NETO2: variants seen among roughly 807,000 people sequenced by gnomAD.
The protein encoded by NETO2 is neuropilin and tolloid-like protein 2.
A neutral mutation model predicts 62.5 loss-of-function variants in NETO2; 28 were observed. That is an observed-to-expected ratio of 0.45 (90% confidence interval 0.33 to 0.61). The LOEUF is 0.61. Ranked by LOEUF, NETO2 falls within the 20% of genes least tolerant of loss-of-function variation. The probability of loss-of-function intolerance (pLI) is 0.02; values close to 1 mark genes in which losing one functional copy is unlikely to be tolerated. For missense variants in NETO2, 548 were observed against 643.2 expected, an observed-to-expected ratio of 0.85 and a Z score of 1.60; for synonymous variants, 214 against 219.1, an observed-to-expected ratio of 0.98 and a Z score of 0.21.
At chr16:47,117,619 AT>A (rs1292049850) in intron 6 of NETO2, among the ~76,000 whole-genome samples, 1 of 151,612 alleles carries the variant, frequency 6.6e-6, no homozygotes, top group Non-Finnish European at 1.5e-5. Context: ...TATTTTCTCC[AT>A]TTTCCTATTG....
chr16:47,109,437 G>C (rs1317605691), intron 7 of NETO2, 46 bp downstream of exon 7: 1 of 1,447,240 alleles, frequency 6.9e-7, no homozygotes, highest in Non-Finnish European at 9.7e-7. Flanking sequence ...GTGAATGAGT[G>C]AAAAATATGT....
chr16:47,136,636 C>A (rs529960762), intron 1 of NETO2, among the ~76,000 whole-genome samples: 6 of 152,146 alleles, frequency 3.9e-5, no homozygotes, highest in African/African-American at 9.6e-5. Context: ...AAACTCCTGG[C>A]CTCAAATGAT....
intron 6 of NETO2, among the ~76,000 whole-genome samples, chr16:47,118,389 T>C (rs1963966034): frequency 6.6e-6 from 1 of 152,216 alleles, no homozygotes; most frequent in Non-Finnish European, 1.5e-5. Flanking sequence ...TTCCCTGCTC[T>C]AGTTCTCTCC....
At chr16:47,102,713 A>G (rs1236029465) in intron 7 of NETO2, among the ~76,000 whole-genome samples, 1 of 152,230 alleles carries the variant, frequency 6.6e-6, no homozygotes, top group Non-Finnish European at 1.5e-5. Flanking sequence ...CACGGTCATT[A>G]GAGAAATGCA....
rs1033481679 is a variant in NETO2, at chr16:47,079,189, G to A, written c.*4032C>T. 1 of 152,092 alleles carries A rather than the reference G, an allele frequency of 6.6e-6. No individual in the cohort carries two copies. Among genetic ancestry groups the A allele is most frequent in the East Asian group, 1.9e-4 (1 of 5,154 alleles). 9.4% of individuals were successfully genotyped at this position (152,092 alleles called of 1,614,324 possible). A position where few individuals can be genotyped will look rare whatever the true frequency, so the allele number is the denominator to read the frequency against. On this transcript the variant is annotated 3_prime_UTR_variant, in exon 9 of 9. Coordinates refer to ENST00000562435, the MANE Select transcript of NETO2 (RefSeq NM_018092.5). ...CCAGCTACTCGAGAGGCTGAGACAG[G>A]AGAATGGCATGAACCCGGGAGGCGG...
At chr16:47,128,984 T>C (rs1964211526) in intron 3 of NETO2, among the ~76,000 whole-genome samples, 1 of 152,170 alleles carries the variant, frequency 6.6e-6, no homozygotes, top group Non-Finnish European at 1.5e-5. Flanking sequence ...GAGAAAGAAG[T>C]TTTTCATACA....
chr16:47,114,859 T>C (rs543712220), intron 6 of NETO2, among the ~76,000 whole-genome samples: 1 of 152,266 alleles, frequency 6.6e-6, no homozygotes, highest in African/African-American at 2.4e-5. Flanking sequence ...TAATTTTACA[T>C]CTATGTCCAT....
At position 47,083,759 on chromosome 16, in the gene NETO2, T is replaced by G; in HGVS notation, c.1040A>C (p.His347Pro). 1 of 1,607,408 alleles carries G rather than the reference T, an allele frequency of 6.2e-7. No homozygotes were observed. Among genetic ancestry groups the G allele is most frequent in the Non-Finnish European group, 8.5e-7 (1 of 1,174,836 alleles). ...AGVFEQITKTHGTIIGITSGI... is the reference protein window; with the variant it reads ...AGVFEQITKTPGTIIGITSGI... ...TGAAGTAATGCCAATAATTGTTCCA[T>G]GAGTCTTAGTGATTTGTTCAAATAC... is the stretch of plus-strand genomic sequence containing the variant. The change falls in exon 9 of 9, where the codon CAT becomes CCT. Residue 347 changes from histidine to proline, a missense_variant. Physicochemically the swap from His to Pro is moderately conservative, Grantham distance 77 (BLOSUM62 -2). Coordinates refer to ENST00000562435, the MANE Select transcript of NETO2 (RefSeq NM_018092.5).
chr16:47,086,404 C>G, intron 7 of NETO2, 65 bp from the exon 8 acceptor site: 1 of 1,032,050 alleles, frequency 9.7e-7, no homozygotes, highest in Non-Finnish European at 1.5e-6. Flanking sequence ...TCATACATAA[C>G]AAATCTGACT....
At chr16:47,091,956 T>C (rs547817742) in intron 7 of NETO2, among the ~76,000 whole-genome samples, 2 of 151,848 alleles carry the variant, frequency 1.3e-5, no homozygotes, top group East Asian at 3.9e-4. Flanking sequence ...GATCCTCCTG[T>C]CTCAGCCTCC....
At position 47,109,694 on chromosome 16, in the gene NETO2, T is replaced by G. The variant is rs1193105668; in HGVS notation, c.672A>C (p.Leu224=). ...TPKAKIYLRF[L]DYQMEHSNEC... Reference sequence around the variant, plus strand: ...CATTTGAGTGCTCCATTTGATAATCTAGGAACCTCAAATAAATCTGTAATA... The same window carrying G: ...CATTTGAGTGCTCCATTTGATAATCGAGGAACCTCAAATAAATCTGTAATA... Residue 224 remains leucine (L), a synonymous_variant, in exon 7 of 9, where the codon CTA becomes CTC. Coordinates refer to ENST00000562435, the MANE Select transcript of NETO2 (RefSeq NM_018092.5). 1 of 1,611,018 alleles carries G rather than the reference T, an allele frequency of 6.2e-7. No individual in the cohort carries two copies. The highest frequency in any genetic ancestry group is 8.5e-7 in the Non-Finnish European group (1 of 1,177,324).
rs752918396 is a variant in NETO2 at position 47,128,364 on chromosome 16, C to G, written c.442G>C (p.Glu148Gln). The stretch of plus-strand genomic sequence containing the variant: ...TATTTTGCTCGAAATCCCAGTCCTT[C>G]AAGCTCTTCATCAGAACTAAACTTA... ...WIKFSSDEEL[E>Q]GLGFRAKYSF... Residue 148 changes from glutamate to glutamine, a missense_variant, in exon 4 of 9, where the codon GAA becomes CAA. Glu to Gln is a conservative substitution (Grantham distance 29). Coordinates refer to ENST00000562435, the MANE Select transcript of NETO2 (RefSeq NM_018092.5). 1 of 1,614,034 alleles carries G rather than the reference C, an allele frequency of 6.2e-7. No homozygotes were observed. Among genetic ancestry groups the G allele is most frequent in the Non-Finnish European group, 8.5e-7 (1 of 1,179,958 alleles).
chr16:47,104,370 T>C (rs562646215), intron 7 of NETO2, among the ~76,000 whole-genome samples: 10 of 152,336 alleles, frequency 6.6e-5, no homozygotes, highest in African/African-American at 2.4e-4. Context: ...CATTGCTGAA[T>C]GAATTACAGA....
chr16:47,126,161 T>G (rs1315104297), intron 4 of NETO2, among the ~76,000 whole-genome samples: 2 of 152,226 alleles, frequency 1.3e-5, no homozygotes, highest in African/African-American at 4.8e-5. Context: ...TAGAATTTAC[T>G]CAAATGAATT....
At chr16:47,129,131 T>C in intron 3 of NETO2, 93 bp downstream of exon 3, 2 of 1,156,550 alleles carry the variant, frequency 1.7e-6, no homozygotes, top group South Asian at 2.7e-5. Flanking sequence ...TGTTTAAATT[T>C]CATTCAAACT....
intron 7 of NETO2, among the ~76,000 whole-genome samples, chr16:47,108,069 C>A (rs1338674842): frequency 1.3e-5 from 2 of 152,046 alleles, no homozygotes; most frequent in Non-Finnish European, 2.9e-5. Context: ...AGCCACGATG[C>A]CCGGTCACAA....
At chr16:47,119,209 T>C (rs952547548) in intron 6 of NETO2, among the ~76,000 whole-genome samples, 2 of 151,536 alleles carry the variant, frequency 1.3e-5, no homozygotes, top group Non-Finnish European at 2.9e-5. Context: ...TGGAGTGCAG[T>C]GGCGTGATCT....
Position 47,079,377 on chromosome 16 carries a change from C to G in NETO2, c.*3844G>C, listed in dbSNP as rs944457677. The G allele has an allele frequency of 2.0e-5, 3 of 151,298 alleles. No homozygotes were observed. The highest frequency in any genetic ancestry group is 7.3e-5 in the African/African-American group (3 of 41,086). The allele number at this position is 151,298 out of a possible 1,614,324, so 9.4% of individuals were successfully genotyped here. The stretch of plus-strand genomic sequence containing the variant: ...TTGGGAGGCCGAGGCGGGTGGATCA[C>G]GAGGTCAGGAGATTGAGACTATCCT... On this transcript the variant is annotated 3_prime_UTR_variant, in exon 9 of 9. Coordinates refer to ENST00000562435, the MANE Select transcript of NETO2 (RefSeq NM_018092.5).
intron 8 of NETO2, among the ~76,000 whole-genome samples, chr16:47,085,327 A>G (rs1044386802): frequency 1.3e-5 from 2 of 152,242 alleles, no homozygotes; most frequent in Non-Finnish European, 1.5e-5. Flanking sequence ...TACAATACAA[A>G]TGACAAACTT....
Sources: allele counts gnomAD v4.1 joint callset (sites outside exome capture counted in the v4.1 genomes callset), GRCh38; gene constraint gnomAD v4.1.1; transcripts MANE v1.5; gene names NCBI Gene and HGNC (gene_info 2026-07-23, HGNC 2026-07-21).